RPS6KA5: variants seen among roughly 807,000 people sequenced by gnomAD.
The protein encoded by RPS6KA5 is ribosomal protein S6 kinase A5.
Under a neutral mutation model 85.5 loss-of-function variants are expected in RPS6KA5, and 27 were observed. The observed-to-expected ratio is 0.32, with a 90% CI of 0.23 to 0.44. RPS6KA5 has a LOEUF of 0.44. RPS6KA5 is among the 20% of genes least tolerant of loss of function. RPS6KA5 has a pLI of 1.00. For missense variants in RPS6KA5, 811 were observed against 980.9 expected, an observed-to-expected ratio of 0.83 and a Z score of 2.31; for synonymous variants, 334 against 348.2, an observed-to-expected ratio of 0.96 and a Z score of 0.46.
chr14:91,037,486 C>T (rs1234839099), intron 1 of RPS6KA5, among the ~76,000 whole-genome samples: 1 of 152,228 alleles, frequency 6.6e-6, no homozygotes, highest in Non-Finnish European at 1.5e-5. Flanking sequence ...CTCCTATCAA[C>T]TCCAGCCTGT....
chr14:90,942,663 T>C (rs1446137531), intron 5 of RPS6KA5, among the ~76,000 whole-genome samples: 1 of 152,208 alleles, frequency 6.6e-6, no homozygotes, highest in African/African-American at 2.4e-5. Flanking sequence ...GTCAAGCGAA[T>C]TCAAAGGGCC....
intron 3 of RPS6KA5, among the ~76,000 whole-genome samples, chr14:90,973,227 G>A (rs948919486): frequency 1.3e-5 from 2 of 152,280 alleles, no homozygotes; most frequent in African/African-American, 2.4e-5. Context: ...GATCACTTGA[G>A]GTCAGGAGTT....
chr14:90,959,424 C>T (rs2038687149), intron 3 of RPS6KA5, among the ~76,000 whole-genome samples: 1 of 152,030 alleles, frequency 6.6e-6, no homozygotes, highest in African/African-American at 2.4e-5. Flanking sequence ...AGATCACTCG[C>T]AATAATAAAT....
At position 90,858,306 on chromosome 14, in the gene RPS6KA5, A is replaced by T. The variant is rs2032381624; in HGVS notation, c.*13768T>A. ...CAGAAGCATCTGAATCATCAAAATC[A>T]TCTATTTCAGAAAAATCGAATTCAT... On this transcript the variant is annotated 3_prime_UTR_variant, in exon 17 of 17. Coordinates refer to ENST00000614987, the MANE Select transcript of RPS6KA5 (RefSeq NM_004755.4). 1 of 152,198 alleles carries T rather than the reference A, an allele frequency of 6.6e-6. No homozygotes were observed. The highest frequency in any genetic ancestry group is 1.5e-5 in the Non-Finnish European group (1 of 68,022). 9.4% of individuals were successfully genotyped at this position (152,198 alleles called of 1,614,324 possible). A position where few individuals can be genotyped will look rare whatever the true frequency, so the allele number is the denominator to read the frequency against.
In RPS6KA5 at chr14:90,962,590, A is replaced by ATT. The variant is rs34537107; in HGVS notation, c.395-15042_395-15041dup. On this transcript the variant is annotated intron_variant, in intron 3 of 16. Coordinates refer to ENST00000614987, the MANE Select transcript of RPS6KA5 (RefSeq NM_004755.4). ...GAGTGAGCCACCATGCCCGGCCTAG[A>ATT]TTTTTTTTTTTTTTGAGATAGGGTC... is the stretch of plus-strand genomic sequence containing the variant. Among the ~76,000 whole-genome samples, 50 of 144,072 alleles carry ATT rather than the reference A, an allele frequency of 3.5e-4. No homozygotes were observed. In the South Asian group the frequency reaches 6.9e-3, roughly 20 times the overall value. The allele number at this position is 144,072 out of a possible 152,430, so 94.5% of individuals were successfully genotyped here. A position where few individuals can be genotyped will look rare whatever the true frequency, so the allele number is the denominator to read the frequency against.
chr14:90,998,618 A>T (rs571723661), intron 2 of RPS6KA5, among the ~76,000 whole-genome samples: 28 of 152,288 alleles, frequency 1.8e-4, no homozygotes, highest in African/African-American at 6.7e-4. Flanking sequence ...TATTATTTTG[A>T]TATTTTGAAA....
At chr14:90,923,803 T>A (rs2036525972) in intron 5 of RPS6KA5, among the ~76,000 whole-genome samples, 1 of 152,180 alleles carries the variant, frequency 6.6e-6, no homozygotes, top group South Asian at 2.1e-4. Context: ...AAAAAAAGAT[T>A]ATTTCTTAAA....
chr14:90,932,801 C>T (rs1373793885), intron 5 of RPS6KA5, among the ~76,000 whole-genome samples: 2 of 152,144 alleles, frequency 1.3e-5, no homozygotes, highest in Non-Finnish European at 2.9e-5. Context: ...CAGCAATTTC[C>T]CACTTTACCT....
chr14:90,993,927 A>G (rs1010024190), intron 2 of RPS6KA5, among the ~76,000 whole-genome samples: 2 of 151,482 alleles, frequency 1.3e-5, no homozygotes, highest in African/African-American at 4.9e-5. Flanking sequence ...TTTTTGAGAC[A>G]ACCCAGGCTG....
At chr14:90,970,789 G>A (rs2039283205) in intron 3 of RPS6KA5, among the ~76,000 whole-genome samples, 1 of 151,906 alleles carries the variant, frequency 6.6e-6, no homozygotes, top group African/African-American at 2.4e-5. Flanking sequence ...GTTATAAAAG[G>A]AGACATGATC....
chr14:90,916,172 A>G (rs757499430), intron 7 of RPS6KA5, among the ~76,000 whole-genome samples: 2 of 152,234 alleles, frequency 1.3e-5, no homozygotes, highest in African/African-American at 4.8e-5. Context: ...GGAAAACTCT[A>G]TACAACTAAA....
chr14:90,887,040 T>C (rs762148248), intron 14 of RPS6KA5, among the ~76,000 whole-genome samples: 1 of 152,246 alleles, frequency 6.6e-6, no homozygotes, highest in Admixed American at 6.5e-5. Flanking sequence ...GTGCTTGTTA[T>C]GGGATAATTC....
chr14:90,897,631 T>C (rs1208860184), intron 12 of RPS6KA5, among the ~76,000 whole-genome samples: 1 of 152,208 alleles, frequency 6.6e-6, no homozygotes, highest in Non-Finnish European at 1.5e-5. Flanking sequence ...TAGGATTATA[T>C]CATGTGACAA....
intron 3 of RPS6KA5, among the ~76,000 whole-genome samples, chr14:90,970,861 A>G (rs190501439): frequency 9.9e-5 from 15 of 152,232 alleles, no homozygotes; most frequent in Non-Finnish European, 1.8e-4. Flanking sequence ...ACCAAATCCA[A>G]TATCATTAGC....
At chr14:90,879,854 G>A (rs116620222) in intron 14 of RPS6KA5, among the ~76,000 whole-genome samples, 121 of 149,210 alleles carry the variant, frequency 8.1e-4, no homozygotes, top group African/African-American at 2.9e-3. Context: ...ACGATCTTCG[G>A]CTCACTGCAA....
rs1447079397 is a variant in RPS6KA5, at chr14:90,894,463, C to T, written c.1594G>A (p.Val532Ile). Reference protein sequence around the residue: ...SYIMRKLVSAVSHMHDVGVVH... With the variant: ...SYIMRKLVSAISHMHDVGVVH... ...ACTCCAACATCATGCATGTGGCTTACAGCTGAAACAAGCTTCCTCATGATG... is the reference window on the plus strand; with the variant it reads ...ACTCCAACATCATGCATGTGGCTTATAGCTGAAACAAGCTTCCTCATGATG... The change falls in exon 13 of 17, where the codon GTA becomes ATA. Residue 532 changes from valine to isoleucine, a missense_variant. Transcript: ENST00000614987. 1.2e-6 allele frequency: 2 copies of T among 1,614,132 alleles called. No individual in the cohort carries two copies. Among genetic ancestry groups the T allele is most frequent in the Non-Finnish European group, 1.7e-6 (2 of 1,180,014 alleles).
At chr14:90,963,807 G>A (rs1409198394) in intron 3 of RPS6KA5, among the ~76,000 whole-genome samples, 1 of 152,164 alleles carries the variant, frequency 6.6e-6, no homozygotes, top group African/African-American at 2.4e-5. Flanking sequence ...CAGCAACCCA[G>A]AGTTGAGCCA....
chr14:90,986,087 T>A (rs1461861619), intron 2 of RPS6KA5, among the ~76,000 whole-genome samples: 2 of 152,216 alleles, frequency 1.3e-5, no homozygotes, highest in Non-Finnish European at 2.9e-5. Context: ...TTTTAGATGA[T>A]GGATTCAACC....
At chr14:90,951,651 G>A (rs762212484) in intron 3 of RPS6KA5, among the ~76,000 whole-genome samples, 6 of 152,102 alleles carry the variant, frequency 3.9e-5, no homozygotes, top group Non-Finnish European at 8.8e-5. Flanking sequence ...AAAAACAATT[G>A]CTCCTCTGGC....
Sources: allele counts gnomAD v4.1 joint callset (sites outside exome capture counted in the v4.1 genomes callset), GRCh38; gene constraint gnomAD v4.1.1; transcripts MANE v1.5; gene names NCBI Gene and HGNC (gene_info 2026-07-23, HGNC 2026-07-21).